Variants in ANAPC4 observed in about 807,000 individuals in gnomAD.
The protein encoded by ANAPC4 is anaphase promoting complex subunit 4, also known as anaphase-promoting complex subunit 4.
A neutral mutation model predicts 119.8 loss-of-function variants in ANAPC4; 63 were observed. The observed-to-expected ratio is 0.53, with a 90% CI of 0.43 to 0.65. The LOEUF is 0.65. Ranked by LOEUF, ANAPC4 falls within the 30% of genes least tolerant of loss-of-function variation. The pLI, the probability that ANAPC4 is intolerant of heterozygous loss-of-function variation, is 0.00. For missense variants in ANAPC4, 716 were observed against 945.1 expected (o/e 0.76, Z 3.18); for synonymous variants, 283 against 318.6 (o/e 0.89, Z 1.19).
At chr4:25,410,811 T>A (rs1017495047) in intron 21 of ANAPC4, among the ~76,000 whole-genome samples, 13 of 152,326 alleles carry the variant, frequency 8.5e-5, no homozygotes, top group Non-Finnish European at 1.8e-4. Context: ...ATATATTGTA[T>A]AAGATGTACA....
chr4:25,414,960 G>A (rs1259633832), intron 25 of ANAPC4, among the ~76,000 whole-genome samples: 1 of 151,930 alleles, frequency 6.6e-6, no homozygotes, highest in East Asian at 1.9e-4. Flanking sequence ...GACAGCTCAG[G>A]ATATTATACT....
intron 21 of ANAPC4, 38 bp downstream of exon 21, chr4:25,409,829 TTTTA>T (rs747342989): frequency 1.3e-6 from 2 of 1,518,550 alleles, no homozygotes; most frequent in Admixed American, 1.7e-5. Context: ...CCATTTTTGT[TTTTA>T]TTTAAGACTA....
chr4:25,412,299 C>G (rs7435058), intron 21 of ANAPC4, among the ~76,000 whole-genome samples: 3 of 151,910 alleles, frequency 2.0e-5, no homozygotes, highest in African/African-American at 7.3e-5. Flanking sequence ...GTATTTCTGG[C>G]GGTTTCATTA....
chr4:25,390,603 T>A (rs1431703205), intron 8 of ANAPC4, among the ~76,000 whole-genome samples: 1 of 152,226 alleles, frequency 6.6e-6, no homozygotes, highest in Non-Finnish European at 1.5e-5. Flanking sequence ...GTCTTCTCCA[T>A]AGCTTTTTCA....
chr4:25,387,074 GA>G (rs1722080246), intron 4 of ANAPC4, among the ~76,000 whole-genome samples: 2 of 152,026 alleles, frequency 1.3e-5, no homozygotes, highest in African/African-American at 2.4e-5. Flanking sequence ...CTTAGAGTAT[GA>G]AAAATGCTAA....
In ANAPC4 at chr4:25,396,649, G is replaced by T; in HGVS notation, c.1062-15G>T. The T allele has an allele frequency of 6.4e-7, 1 of 1,565,126 alleles. No homozygotes were observed. The highest frequency in any genetic ancestry group is 8.7e-7 in the Non-Finnish European group (1 of 1,152,972). On this transcript the variant is annotated splice_polypyrimidine_tract_variant and intron_variant, in intron 14 of 28. Transcript: ENST00000315368. ...ATCGTCATGATACTAATTTATTTCT[G>T]CTCTGTTTGGATAGTGGCTCGGAGT... is the stretch of plus-strand genomic sequence containing the variant.
intron 18 of ANAPC4, 132 bp from the exon 19 acceptor site, chr4:25,406,697 G>T (rs1350295393): frequency 7.5e-6 from 5 of 663,610 alleles, no homozygotes; most frequent in African/African-American, 3.8e-5. Context: ...ATATTTCTTT[G>T]AAAGAACTTT....
At chr4:25,414,420 G>T (rs778070699) in intron 23 of ANAPC4, 35 bp downstream of exon 23, 2 of 1,594,088 alleles carry the variant, frequency 1.3e-6, no homozygotes, top group Non-Finnish European at 1.7e-6. Flanking sequence ...GTGTAATTCC[G>T]CAGCCAATTT....
intron 16 of ANAPC4, among the ~76,000 whole-genome samples, chr4:25,401,195 A>T (rs1001437729): frequency 6.6e-6 from 1 of 152,014 alleles, no homozygotes; most frequent in Admixed American, 6.5e-5. Flanking sequence ...TGTTTATCTT[A>T]GTCTCTCCTT....
intron 17 of ANAPC4, among the ~76,000 whole-genome samples, chr4:25,404,820 G>C (rs902350211): frequency 6.6e-6 from 1 of 152,008 alleles, no homozygotes; most frequent in Non-Finnish European, 1.5e-5. Flanking sequence ...TATATTGCTA[G>C]CACCTAGGGT....
intron 27 of ANAPC4, chr4:25,417,008 T>G (rs1247109534): frequency 6.5e-6 from 1 of 154,882 alleles, no homozygotes; most frequent in Non-Finnish European, 1.4e-5. Context: ...TGGCTTTAAT[T>G]GACTGAGACT....
At position 25,416,454 on chromosome 4, in the gene ANAPC4, A is replaced by G; in HGVS notation, c.1931A>G (p.Tyr644Cys). The G allele has an allele frequency of 6.3e-7, 1 of 1,580,594 alleles. No homozygotes were observed. The highest frequency in any genetic ancestry group is 8.6e-7 in the Non-Finnish European group (1 of 1,159,858). ...SIYSCLDAQF[Y>C]DDETVTVVLK... is the part of the protein sequence containing the mutation. ...TACAGTTGTTTAGATGCACAGTTTT[A>G]TGATGATGAAACTGTAACAGTAGTT... The change falls in exon 27 of 29, where the codon TAT becomes TGT. Residue 644 changes from tyrosine (Y) to cysteine (C), a missense_variant. By Grantham distance (194) the Tyr-to-Cys change is radical. This residue lies in a region of ANAPC4 where 504 missense variants were observed against 615.8 expected (regional missense o/e 0.82). Coordinates refer to ENST00000315368, the MANE Select transcript of ANAPC4 (RefSeq NM_013367.3).
At position 25,377,501 on chromosome 4, in the gene ANAPC4, T is replaced by G. The variant is rs767625635; in HGVS notation, c.74T>G (p.Phe25Cys). ...GEKQLPQEII[F>C]LVWSPKRDLI... ...AAGCAGCTCCCGCAGGAGATTATTT[T>G]CCTGGTCTGGTCGCCCAAGCGGGAT... The change falls in exon 2 of 29, where the codon TTC (phenylalanine) becomes TGC (cysteine). Residue 25 changes from phenylalanine to cysteine, a missense_variant. By Grantham distance (205) the Phe-to-Cys change is radical (BLOSUM62 -2). Around this residue, in one of 3 missense-constraint regions of ANAPC4, gnomAD observed 202 missense variants for 293.5 expected, o/e 0.69. Transcript: ENST00000315368. The G allele has an allele frequency of 3.1e-6, 5 of 1,613,884 alleles. No homozygotes were observed. The highest frequency in any genetic ancestry group is 4.2e-6 in the Non-Finnish European group (5 of 1,179,980).
chr4:25,380,740 T>C (rs895233583), intron 3 of ANAPC4: 1 of 299,532 alleles, frequency 3.3e-6, no homozygotes, highest in Non-Finnish European at 6.1e-6. Context: ...TGATGGAATA[T>C]ACAAAATGTT....
At position 25,388,836 on chromosome 4, in the gene ANAPC4, A is replaced by C; in HGVS notation, c.471-2A>C. 6.2e-7 allele frequency: 1 copy of C among 1,605,568 alleles called. No individual in the cohort carries two copies. Among genetic ancestry groups the C allele is most frequent in the Non-Finnish European group, 8.5e-7 (1 of 1,175,018 alleles). On this transcript the variant is annotated splice_acceptor_variant, in intron 6 of 28. Transcript: ENST00000315368. LOFTEE classifies it high-confidence loss of function. ...ATGACCCAATTTACTTCTATATTTT[A>C]GTGAAGAAAATTCTGATGAAATTAT...
chr4:25,386,643 T>C (rs1722052454), intron 4 of ANAPC4, among the ~76,000 whole-genome samples: 2 of 152,194 alleles, frequency 1.3e-5, no homozygotes, highest in Admixed American at 1.3e-4. Flanking sequence ...TTGCAAATAT[T>C]TCAAAATGTG....
At chr4:25,407,607 A>C (rs907876163) in intron 20 of ANAPC4, among the ~76,000 whole-genome samples, 2 of 152,068 alleles carry the variant, frequency 1.3e-5, no homozygotes, top group Admixed American at 6.6e-5. Flanking sequence ...GTCTCAAAAA[A>C]GAAAAAAAAA....
chr4:25,407,563 C>T (rs550869475), intron 20 of ANAPC4, among the ~76,000 whole-genome samples: 11 of 151,824 alleles, frequency 7.2e-5, no homozygotes, highest in Middle Eastern at 6.8e-3. Flanking sequence ...GATCAAGCCA[C>T]TGCACTTCAC....
At chr4:25,399,185 A>G (rs1256040680) in intron 16 of ANAPC4, among the ~76,000 whole-genome samples, 1 of 152,132 alleles carries the variant, frequency 6.6e-6, no homozygotes, top group Non-Finnish European at 1.5e-5. Context: ...GTATTTTCTA[A>G]GAATAAAATT....
Sources: gnomAD v4.1 joint callset for allele counts (sites outside exome capture counted in the v4.1 genomes callset) on GRCh38, gnomAD v4.1.1 for gene constraint, gnomAD v4.1.1 regional missense constraint, MANE v1.5 for transcripts, NCBI Gene and HGNC (gene_info 2026-07-23, HGNC 2026-07-21) for gene names.